Variants in SPECC1 observed in about 807,000 individuals in gnomAD.
The protein encoded by SPECC1 is cytospin-B.
A neutral mutation model predicts 104.1 loss-of-function variants in SPECC1; 62 were observed. That is an observed-to-expected ratio of 0.60 (90% CI 0.49 to 0.74). The LOEUF (loss-of-function observed/expected upper bound fraction) is 0.74. SPECC1 is among the 30% of genes least tolerant of loss of function. The pLI is 0.00. For missense variants in SPECC1, 1,306 were observed against 1,310.5 expected (o/e 1.00, Z 0.05); for synonymous variants, 513 against 501.6 (o/e 1.02, Z -0.30).
At chr17:20,169,363 A>G (rs999204663) in intron 3 of SPECC1, among the ~76,000 whole-genome samples, 2 of 152,192 alleles carry the variant, frequency 1.3e-5, no homozygotes, top group Non-Finnish European at 2.9e-5. Flanking sequence ...TTATCATTAT[A>G]TATTATAGTT....
intron 1 of SPECC1, among the ~76,000 whole-genome samples, chr17:20,041,801 A>G (rs1395659834): frequency 6.7e-6 from 1 of 148,310 alleles, no homozygotes; most frequent in African/African-American, 2.5e-5. Flanking sequence ...TTTTTTTTGT[A>G]TTTTTAGTAG....
At chr17:20,140,165 A>G (rs1398236330) in intron 3 of SPECC1, among the ~76,000 whole-genome samples, 8 of 152,180 alleles carry the variant, frequency 5.3e-5, no homozygotes. Context: ...AAAAAATTAA[A>G]CTATACTTTT....
At chr17:20,108,274 G>T (rs2152520697) in intron 2 of SPECC1, among the ~76,000 whole-genome samples, 1 of 150,080 alleles carries the variant, frequency 6.7e-6, no homozygotes, top group African/African-American at 2.4e-5. Flanking sequence ...TGCAGGAGTG[G>T]AACTAGGACT....
At chr17:20,053,714 C>G (rs965738880) in intron 1 of SPECC1, among the ~76,000 whole-genome samples, 2 of 152,308 alleles carry the variant, frequency 1.3e-5, no homozygotes, top group East Asian at 1.9e-4. Flanking sequence ...GAGTGAACTC[C>G]TTGGAAGTGG....
At chr17:20,209,340 A>G (rs2036985937) in intron 4 of SPECC1, among the ~76,000 whole-genome samples, 4 of 152,318 alleles carry the variant, frequency 2.6e-5, no homozygotes, top group African/African-American at 9.6e-5. Context: ...GCTATTTACA[A>G]AAGGGGAAAG....
intron 13 of SPECC1, among the ~76,000 whole-genome samples, chr17:20,301,657 A>G (rs2041588311): frequency 6.6e-6 from 1 of 152,150 alleles, no homozygotes; most frequent in Non-Finnish European, 1.5e-5. Context: ...AAAGAGATAT[A>G]TGATCACAGG....
At chr17:20,059,180 G>A (rs2046087484) in intron 1 of SPECC1, among the ~76,000 whole-genome samples, 1 of 151,954 alleles carries the variant, frequency 6.6e-6, no homozygotes, top group African/African-American at 2.4e-5. Context: ...TTGTAATATA[G>A]AATGAAATAA....
chr17:20,013,076 C>T (rs1358261959), intron 1 of SPECC1, among the ~76,000 whole-genome samples: 1 of 152,154 alleles, frequency 6.6e-6, no homozygotes, highest in African/African-American at 2.4e-5. Flanking sequence ...TGAATGTATA[C>T]ACCACATTTT....
At chr17:20,291,626 G>A (rs113886816) in intron 12 of SPECC1, among the ~76,000 whole-genome samples, 2 of 152,102 alleles carry the variant, frequency 1.3e-5, no homozygotes, top group African/African-American at 4.8e-5. Context: ...CTCACTGCAA[G>A]CTCCGCATCC....
At chr17:20,051,133 T>TTCTTTCCTTCTTTCCTTCTTTCC (rs1354584552) in intron 1 of SPECC1, among the ~76,000 whole-genome samples, 42 of 40,888 alleles carry the variant, frequency 1.0e-3, no homozygotes, top group South Asian at 1.7e-3. Context: ...TCTTTCTTTC[T>TTCTTTCCTTCTTTCCTTCTTTCC]TTCTTTCCTT....
chr17:20,203,503 G>A (rs2036569003), intron 3 of SPECC1, among the ~76,000 whole-genome samples: 3 of 152,142 alleles, frequency 2.0e-5, no homozygotes, highest in Non-Finnish European at 4.4e-5. Flanking sequence ...AAGTAACATA[G>A]GTATGTTCTT....
intron 3 of SPECC1, among the ~76,000 whole-genome samples, chr17:20,189,229 G>C (rs1315426940): frequency 6.6e-6 from 1 of 152,150 alleles, no homozygotes; most frequent in Admixed American, 6.5e-5. Flanking sequence ...TGGAGACTGT[G>C]GGCTTTATTT....
chr17:20,294,106 C>G (rs1238840699), intron 12 of SPECC1, among the ~76,000 whole-genome samples: 1 of 152,142 alleles, frequency 6.6e-6, no homozygotes, highest in African/African-American at 2.4e-5. Flanking sequence ...CTCAGCCTCC[C>G]AAGTAGCTGG....
At chr17:20,298,946 A>AGAGAGAGAGAGAGAGAGC (rs2041452601) in intron 13 of SPECC1, among the ~76,000 whole-genome samples, 1 of 45,794 alleles carries the variant, frequency 2.2e-5, no homozygotes, top group Non-Finnish European at 3.7e-5. Flanking sequence ...AGAGAGAGAG[A>AGAGAGAGAGAGAGAGAGC]GAGTGTGTGT....
At chr17:20,237,959 C>G (rs2039011961) in intron 7 of SPECC1, 1 of 838,592 alleles carries the variant, frequency 1.2e-6, no homozygotes, top group Admixed American at 6.0e-5. Context: ...TCAGGCTGGT[C>G]TCGAACTCCT....
At chr17:20,269,107 T>G (rs1391346138) in intron 12 of SPECC1, among the ~76,000 whole-genome samples, 1 of 152,202 alleles carries the variant, frequency 6.6e-6, no homozygotes, top group Non-Finnish European at 1.5e-5. Context: ...TGAGAAAGAT[T>G]ACTCTAAAAT....
intron 3 of SPECC1, among the ~76,000 whole-genome samples, chr17:20,160,506 GTC>G (rs2033041282): frequency 6.6e-6 from 1 of 152,130 alleles, no homozygotes; most frequent in African/African-American, 2.4e-5. Context: ...AAACATTAGT[GTC>G]TCTTTGTAGA....
intron 4 of SPECC1, among the ~76,000 whole-genome samples, chr17:20,217,617 A>C (rs2037584209): frequency 6.6e-6 from 1 of 152,196 alleles, no homozygotes; most frequent in South Asian, 2.1e-4. Context: ...ACTCTACAAC[A>C]TGCAGCCAGG....
chr17:20,085,194 G>C (rs886151930), intron 1 of SPECC1, among the ~76,000 whole-genome samples: 4 of 152,186 alleles, frequency 2.6e-5, no homozygotes, highest in Non-Finnish European at 5.9e-5. Context: ...GGGCAGAAGG[G>C]AGCAGGGGCC....
Sources: allele counts gnomAD v4.1 joint callset (sites outside exome capture counted in the v4.1 genomes callset), GRCh38; gene constraint gnomAD v4.1.1; transcripts MANE v1.5; gene names NCBI Gene and HGNC (gene_info 2026-07-23, HGNC 2026-07-21).